ESPN: variants seen among roughly 807,000 people sequenced by gnomAD.
The protein encoded by ESPN is autosomal recessive deafness type 36 protein.
A neutral mutation model predicts 77.7 loss-of-function variants in ESPN; 68 were observed. That is an observed-to-expected ratio of 0.87 (90% confidence interval 0.72 to 1.07). The LOEUF is 1.07. Ranked by LOEUF, ESPN falls within the 50% of genes least tolerant of loss-of-function variation. ESPN has a pLI of 0.00. For missense variants in ESPN, 1,060 were observed against 1,239.0 expected (o/e 0.86, Z 2.17); for synonymous variants, 449 against 567.1 (o/e 0.79, Z 2.96).
At chr1:6,440,065 C>T (rs1363994119) in intron 2 of ESPN, among the ~76,000 whole-genome samples, 189 bp from the exon 3 acceptor site, 1 of 152,082 alleles carries the variant, frequency 6.6e-6, no homozygotes, top group East Asian at 1.9e-4. Context: ...CCTCAGGGAC[C>T]TCTGAGGGAG....
At chr1:6,452,897 A>ATT (rs1350694225) in intron 10 of ESPN, among the ~76,000 whole-genome samples, 2 of 138,806 alleles carry the variant, frequency 1.4e-5, no homozygotes, top group Admixed American at 6.7e-5. Flanking sequence ...ATTTATTTTT[A>ATT]TTTTTTATTT....
intron 5 of ESPN, among the ~76,000 whole-genome samples, chr1:6,441,864 C>G (rs535531484): frequency 2.0e-5 from 3 of 152,324 alleles, no homozygotes; most frequent in South Asian, 2.1e-4. Context: ...TGCCCTCCCC[C>G]CCCCAGCACA....
chr1:6,446,724 T>C (rs1643853635), intron 7 of ESPN, among the ~76,000 whole-genome samples: 3 of 152,082 alleles, frequency 2.0e-5, no homozygotes, highest in Non-Finnish European at 4.4e-5. Flanking sequence ...AAGGATGGTC[T>C]AAGAGGTGAG....
chr1:6,440,737 G>C lies in ESPN; in HGVS notation c.787G>C (p.Gly263Arg), dbSNP rs1191045402. 4 of 1,545,440 alleles carry C rather than the reference G, an allele frequency of 2.6e-6. No individual in the cohort carries two copies. The highest frequency in any genetic ancestry group is 2.4e-5 in the East Asian group (1 of 41,142). The change falls in exon 4 of 13, where the codon GGC becomes CGC. Residue 263 changes from glycine (G) to arginine (R), a missense_variant. Gly to Arg is a moderately radical substitution (Grantham distance 125). This residue lies in a region of ESPN where 556 missense variants were observed against 633.6 expected (regional missense o/e 0.88). Coordinates refer to ENST00000645284, the MANE Select transcript of ESPN (RefSeq NM_031475.3). ...TKVLSWLLLHGGEISADLWGG... is the reference protein window; with the variant it reads ...TKVLSWLLLHRGEISADLWGG... ...GGTGCTCAGCTGGCTGCTGCTGCAC[G>C]GCGGGGAGATCTCGGCTGACCTGTG...
At position 6,425,189 on chromosome 1, in the gene ESPN, C is replaced by CG; in HGVS notation, c.235dup (p.Ala79GlyfsTer85). On this transcript the variant is annotated frameshift_variant, in exon 1 of 13. Transcript: ENST00000645284. LOFTEE classifies it high-confidence loss of function. Reference sequence around the variant, plus strand: ...GCGCCACACCGGCCCACGACGCCTCCGCCACCGGCCACCTCGCCTGCCTGC... The same window carrying CG: ...GCGCCACACCGGCCCACGACGCCTCCGGCCACCGGCCACCTCGCCTGCCTGC... 2 of 1,540,650 alleles carry CG rather than the reference C, an allele frequency of 1.3e-6. No individual in the cohort carries two copies. Among genetic ancestry groups the CG allele is most frequent in the Non-Finnish European group, 1.7e-6 (2 of 1,150,394 alleles).
intron 6 of ESPN, among the ~76,000 whole-genome samples, chr1:6,445,320 G>C (rs1463980909): frequency 6.6e-6 from 1 of 152,272 alleles, no homozygotes; most frequent in East Asian, 1.9e-4. Context: ...GTGGCCTCCA[G>C]ACCTGGCAGG....
At chr1:6,458,844 T>A (rs970217922) in intron 12 of ESPN, among the ~76,000 whole-genome samples, 1 of 150,478 alleles carries the variant, frequency 6.6e-6, no homozygotes, top group Non-Finnish European at 1.5e-5. Flanking sequence ...GGCAGCAGAA[T>A]CACTTGAATC....
At chr1:6,453,185 C>T (rs1240250111) in intron 10 of ESPN, among the ~76,000 whole-genome samples, 5 of 152,248 alleles carry the variant, frequency 3.3e-5, no homozygotes, top group Non-Finnish European at 5.9e-5. Flanking sequence ...TGAGCCACCA[C>T]GCCTGGCCCC....
rs761467676 is a variant in ESPN, at chr1:6,451,901, G to T, written c.2130G>T (p.Ala710=). The T allele has an allele frequency of 1.2e-5, 19 of 1,610,972 alleles. No homozygotes were observed. The African/African-American group carries it at 2.3e-4, about 19-fold the overall frequency. Residue 710 remains alanine (A), a synonymous_variant, in exon 10 of 13, where the codon GCG becomes GCT. Transcript: ENST00000645284. The surrounding 1 kb of genome is among the most constrained non-coding windows in gnomAD (Gnocchi z 4.3). ...TCCGGAGCCCCACACCGCCAGCTGC[G>T]GGGTTTCAGCCGCTGCTCAATGGAA... The part of the protein sequence containing the change: ...SPVRSPTPPA[A]GFQPLLNGSL...
At chr1:6,441,122 G>C in intron 5 of ESPN, 57 bp downstream of exon 5, 2 of 1,579,094 alleles carry the variant, frequency 1.3e-6, no homozygotes, top group Non-Finnish European at 1.7e-6. Context: ...CCACCCCAGT[G>C]GTGGGTGTCG....
chr1:6,450,538 G>T lies in ESPN; in HGVS notation c.1916-1065G>T, dbSNP rs753156266. 5.8e-6 allele frequency: 5 copies of T among 868,352 alleles called. No homozygotes were observed. The highest frequency in any genetic ancestry group is 6.9e-6 in the Non-Finnish European group (5 of 722,428). The allele number at this position is 868,352 out of a possible 1,614,324, so 53.8% of individuals were successfully genotyped here. A position where few individuals can be genotyped will look rare whatever the true frequency, so the allele number is the denominator to read the frequency against. ...GGGGTGGGGGGAAGAGGCAGGAAAA[G>T]CAAGGCAGAAGGGGCCCAGACTTGA... On this transcript the variant is annotated intron_variant, in intron 8 of 12. Transcript: ENST00000645284. The surrounding 1 kb of genome is among the most constrained non-coding windows in gnomAD (Gnocchi z 4.3).
chr1:6,460,607 G>C lies in ESPN; in HGVS notation c.*461G>C, dbSNP rs1644143735. 1 of 169,320 alleles carries C rather than the reference G, an allele frequency of 5.9e-6. No individual in the cohort carries two copies. Among genetic ancestry groups the C allele is most frequent in the Non-Finnish European group, 1.3e-5 (1 of 78,176 alleles). The allele number at this position is 169,320 out of a possible 1,614,324, so 10.5% of individuals were successfully genotyped here. On this transcript the variant is annotated 3_prime_UTR_variant, in exon 13 of 13. Coordinates refer to ENST00000645284, the MANE Select transcript of ESPN (RefSeq NM_031475.3). Reference sequence around the variant, plus strand: ...GGGAAGGGGTTTTCCCTTCCTCTCTGACCCAGATCTGCGCGCGGCCTAGCC... The same window carrying C: ...GGGAAGGGGTTTTCCCTTCCTCTCTCACCCAGATCTGCGCGCGGCCTAGCC...
intron 2 of ESPN, among the ~76,000 whole-genome samples, chr1:6,429,340 C>A (rs1643156827): frequency 6.6e-6 from 1 of 152,102 alleles, no homozygotes. Flanking sequence ...TGCTTCCAAA[C>A]AAACTAGGAT....
At chr1:6,449,343 C>G (rs78418455) in intron 8 of ESPN, among the ~76,000 whole-genome samples, 1 of 152,200 alleles carries the variant, frequency 6.6e-6, no homozygotes, top group Non-Finnish European at 1.5e-5. Flanking sequence ...CCTCCCACCC[C>G]CTAGCTGTGT....
In ESPN at chr1:6,440,714, T is replaced by G. The variant is rs1569648403; in HGVS notation, c.764T>G (p.Val255Gly). ...HFAASRGHTKVLSWLLLHGGE... is the reference protein window; with the variant it reads ...HFAASRGHTKGLSWLLLHGGE... ...GCGGCGAGCCGCGGCCACACCAAGG[T>G]GCTCAGCTGGCTGCTGCTGCACGGC... Residue 255 changes from valine to glycine, a missense_variant, in exon 4 of 13, where the codon GTG (valine) becomes GGG (glycine). Physicochemically the swap from Val to Gly is moderately radical, Grantham distance 109. Around this residue, in one of 3 missense-constraint regions of ESPN, gnomAD observed 556 missense variants for 633.6 expected, o/e 0.88. Coordinates refer to ENST00000645284, the MANE Select transcript of ESPN (RefSeq NM_031475.3). 1.3e-6 allele frequency: 2 copies of G among 1,543,692 alleles called. No individual in the cohort carries two copies. The highest frequency in any genetic ancestry group is 1.9e-5 in the Admixed American group (1 of 53,268).
At position 6,460,849 on chromosome 1, in the gene ESPN, G is replaced by A; in HGVS notation, c.*703G>A. 1 of 297,454 alleles carries A rather than the reference G, an allele frequency of 3.4e-6. No homozygotes were observed. Among genetic ancestry groups the A allele is most frequent in the East Asian group, 9.9e-5 (1 of 10,056 alleles). The allele number at this position is 297,454 out of a possible 1,614,324, so 18.4% of individuals were successfully genotyped here. A position where few individuals can be genotyped will look rare whatever the true frequency, so the allele number is the denominator to read the frequency against. On this transcript the variant is annotated 3_prime_UTR_variant, in exon 13 of 13. Coordinates refer to ENST00000645284, the MANE Select transcript of ESPN (RefSeq NM_031475.3). ...GAGTGAATAGAGGATGAGGGGCCCT[G>A]ACCCTGTGTCTCCAACTGCTGCACC...
Position 6,460,267 on chromosome 1 carries a change from C to A in ESPN, c.*121C>A. 2 of 1,260,424 alleles carry A rather than the reference C, an allele frequency of 1.6e-6. No individual in the cohort carries two copies. The highest frequency in any genetic ancestry group is 1.1e-6 in the Non-Finnish European group (1 of 916,128). The allele number at this position is 1,260,424 out of a possible 1,614,324, so 78.1% of individuals were successfully genotyped here. A position where few individuals can be genotyped will look rare whatever the true frequency, so the allele number is the denominator to read the frequency against. ...CAGCCCTCCCCTCCTGCGCTGGAAA[C>A]CCTCCCTGACCCCCACCCTGGCCCC... On this transcript the variant is annotated 3_prime_UTR_variant, in exon 13 of 13. Coordinates refer to ENST00000645284, the MANE Select transcript of ESPN (RefSeq NM_031475.3).
In ESPN at chr1:6,441,053, G is replaced by T; in HGVS notation, c.978G>T (p.Thr326=). The part of the protein sequence containing the change: ...GHSHCTRYLR[T]VENLSVEHRV... ...GCCACTGCACCCGCTACCTGCGCACGGTGGAGAACCTGGTACGATCCCTGA... is the reference window on the plus strand; with the variant it reads ...GCCACTGCACCCGCTACCTGCGCACTGTGGAGAACCTGGTACGATCCCTGA... The change falls in exon 5 of 13, where the codon ACG becomes ACT. Residue 326 remains threonine (T), a synonymous_variant. Transcript: ENST00000645284. The T allele has an allele frequency of 6.2e-7, 1 of 1,611,276 alleles. No individual in the cohort carries two copies. Among genetic ancestry groups the T allele is most frequent in the Non-Finnish European group, 8.5e-7 (1 of 1,179,506 alleles).
intron 2 of ESPN, among the ~76,000 whole-genome samples, chr1:6,433,500 G>C (rs547948837): frequency 7.9e-5 from 12 of 152,044 alleles, no homozygotes; most frequent in Non-Finnish European, 1.3e-4. Flanking sequence ...CCAGCTACTT[G>C]GGAGGCTGAG....
Sources: allele counts gnomAD v4.1 joint callset (sites outside exome capture counted in the v4.1 genomes callset), GRCh38; gene constraint gnomAD v4.1.1; regional missense constraint gnomAD v4.1.1; non-coding constraint Gnocchi (gnomAD v3.1); transcripts MANE v1.5; gene names NCBI Gene and HGNC (gene_info 2026-07-23, HGNC 2026-07-21).